PHACTR1: variants seen among roughly 807,000 people sequenced by gnomAD.
The protein encoded by PHACTR1 is phosphatase and actin regulator 1, also known as RPEL repeat containing 1.
Under a neutral mutation model 69.2 loss-of-function variants are expected in PHACTR1, and 16 were observed. The ratio of observed to expected loss-of-function variants is 0.23; its 90% CI spans 0.16 to 0.35. The LOEUF is 0.35. PHACTR1 is among the 10% of genes least tolerant of loss of function. PHACTR1 has a pLI of 1.00. For synonymous variants in PHACTR1, 312 were observed against 284.5 expected, an observed-to-expected ratio of 1.10 and a Z score of -0.97; for missense variants, 510 against 734.7, an observed-to-expected ratio of 0.69 and a Z score of 3.54.
At chr6:12,869,022 C>A (rs993184847) in intron 4 of PHACTR1, among the ~76,000 whole-genome samples, 1 of 152,050 alleles carries the variant, frequency 6.6e-6, no homozygotes, top group Non-Finnish European at 1.5e-5. Context: ...TTCTATTTTA[C>A]AATCACTAGC....
At chr6:12,875,129 T>C (rs1782402993) in intron 4 of PHACTR1, among the ~76,000 whole-genome samples, 1 of 152,182 alleles carries the variant, frequency 6.6e-6, no homozygotes, top group African/African-American at 2.4e-5. Context: ...AAGAGTAACA[T>C]TTACATGAAT....
intron 4 of PHACTR1, among the ~76,000 whole-genome samples, chr6:12,938,829 G>C (rs1186335864): frequency 6.6e-6 from 1 of 151,360 alleles, no homozygotes; most frequent in East Asian, 1.9e-4. Context: ...TTTTTGTTTG[G>C]CTTCTTTCAC....
intron 5 of PHACTR1, among the ~76,000 whole-genome samples, chr6:13,147,418 C>G (rs1381095006): frequency 6.6e-6 from 1 of 152,198 alleles, no homozygotes; most frequent in Non-Finnish European, 1.5e-5. Context: ...ACATGGTCTT[C>G]AAGGATAGTC....
chr6:13,281,371 T>C (rs1202810601), intron 12 of PHACTR1: 1 of 330,590 alleles, frequency 3.0e-6, no homozygotes, highest in Non-Finnish European at 6.0e-6. Flanking sequence ...CTGGGCAATA[T>C]GGCGAAACCC....
In PHACTR1 at chr6:13,247,626, G is replaced by A. The variant is rs554682681; in HGVS notation, c.1391+17433G>A. 9.9e-5 allele frequency among the ~76,000 whole-genome samples: 15 copies of A among 152,200 alleles called. No homozygotes were observed. In the South Asian group the frequency reaches 1.2e-3, roughly 13 times the overall value. On this transcript the variant is annotated intron_variant, in intron 10 of 14. Transcript: ENST00000332995. ...CTCCCAAAGTGCTGGGATTACAGGT[G>A]TGAGCCACCGTGCCCAGCCCAAGTT...
chr6:13,062,805 G>A (rs1038885088), intron 5 of PHACTR1, among the ~76,000 whole-genome samples: 36 of 152,290 alleles, frequency 2.4e-4, no homozygotes, highest in African/African-American at 8.4e-4. Context: ...ATTATTGTTG[G>A]TAAAGGGAAA....
intron 4 of PHACTR1, among the ~76,000 whole-genome samples, chr6:12,929,323 G>C (rs913642618): frequency 1.3e-5 from 2 of 152,096 alleles, no homozygotes; most frequent in Middle Eastern, 3.4e-3. Context: ...CCCTTGCTTC[G>C]AGAGCGTTTA....
At chr6:12,879,013 G>C (rs1782816463) in intron 4 of PHACTR1, among the ~76,000 whole-genome samples, 1 of 152,168 alleles carries the variant, frequency 6.6e-6, no homozygotes, top group Non-Finnish European at 1.5e-5. Context: ...ACTGGGGGTT[G>C]TTAATAGTCT....
At chr6:12,879,280 T>C (rs531171207) in intron 4 of PHACTR1, among the ~76,000 whole-genome samples, 98 of 152,302 alleles carry the variant, frequency 6.4e-4, no homozygotes, top group African/African-American at 2.3e-3. Flanking sequence ...GAAGAGAACA[T>C]GGGTCTGTCT....
chr6:12,783,033 A>G (rs757681279), intron 4 of PHACTR1, among the ~76,000 whole-genome samples: 2 of 152,236 alleles, frequency 1.3e-5, no homozygotes, highest in Non-Finnish European at 2.9e-5. Flanking sequence ...TTTAATCGTG[A>G]TTTAAGCAAG....
At chr6:12,906,883 C>T (rs1486526632) in intron 4 of PHACTR1, among the ~76,000 whole-genome samples, 1 of 152,104 alleles carries the variant, frequency 6.6e-6, no homozygotes, top group East Asian at 1.9e-4. Context: ...ACACTTGGCT[C>T]GACCACTGTG....
At chr6:13,062,382 C>T (rs527325639) in intron 5 of PHACTR1, among the ~76,000 whole-genome samples, 10 of 152,296 alleles carry the variant, frequency 6.6e-5, no homozygotes, top group Admixed American at 3.3e-4. Flanking sequence ...CCTAGTTTCC[C>T]GGCTTCCCCT....
intron 3 of PHACTR1, among the ~76,000 whole-genome samples, chr6:12,722,708 G>T (rs1420904189): frequency 6.6e-6 from 1 of 152,124 alleles, no homozygotes; most frequent in East Asian, 1.9e-4. Flanking sequence ...TCAAGGTGGG[G>T]GAGATCAGCT....
intron 5 of PHACTR1, among the ~76,000 whole-genome samples, chr6:13,089,900 C>T (rs1812944394): frequency 1.3e-5 from 2 of 152,160 alleles, no homozygotes; most frequent in Non-Finnish European, 2.9e-5. Flanking sequence ...TTGGATTTGT[C>T]CTCCTTGTGA....
chr6:12,926,637 A>G (rs1788294195), intron 4 of PHACTR1, among the ~76,000 whole-genome samples: 1 of 152,206 alleles, frequency 6.6e-6, no homozygotes, highest in Non-Finnish European at 1.5e-5. Context: ...AGTCCTGAAG[A>G]TTCCGCCTTT....
At chr6:13,093,437 C>G (rs906567526) in intron 5 of PHACTR1, among the ~76,000 whole-genome samples, 1 of 152,208 alleles carries the variant, frequency 6.6e-6, no homozygotes, top group African/African-American at 2.4e-5. Flanking sequence ...TAGAAACAAT[C>G]AGCCTCCCAC....
chr6:13,188,828 G>C (rs894193257), intron 7 of PHACTR1, among the ~76,000 whole-genome samples: 2 of 152,234 alleles, frequency 1.3e-5, no homozygotes, highest in Non-Finnish European at 2.9e-5. Context: ...ACAGGGCCAG[G>C]AGTTGTTGGC....
chr6:12,813,130 G>C (rs767270666), intron 4 of PHACTR1, among the ~76,000 whole-genome samples: 7 of 150,906 alleles, frequency 4.6e-5, no homozygotes, highest in Non-Finnish European at 7.4e-5. Flanking sequence ...AGGATGCACA[G>C]AGAGAGAAAA....
chr6:13,202,632 C>A (rs1481874425), intron 7 of PHACTR1, among the ~76,000 whole-genome samples: 2 of 152,190 alleles, frequency 1.3e-5, no homozygotes, highest in Non-Finnish European at 2.9e-5. Context: ...CACCTGCCAC[C>A]ACACCCAGCT....
Sources: gnomAD v4.1 joint callset for allele counts (sites outside exome capture counted in the v4.1 genomes callset) on GRCh38, gnomAD v4.1.1 for gene constraint, MANE v1.5 for transcripts, NCBI Gene and HGNC (gene_info 2026-07-23, HGNC 2026-07-21) for gene names.